Variants in FLNB observed in about 807,000 individuals in gnomAD.
FLNB encodes the protein filamin-B.
Under a neutral mutation model 250.6 loss-of-function variants are expected in FLNB, and 111 were observed. The ratio of observed to expected loss-of-function variants is 0.44; its 90% CI spans 0.38 to 0.52. FLNB has a LOEUF of 0.52. FLNB is among the 20% of genes least tolerant of loss of function. The pLI, the probability that FLNB is intolerant of heterozygous loss-of-function variation, is 0.00. For missense variants in FLNB, 2,869 were observed against 3,447.8 expected, an observed-to-expected ratio of 0.83 and a Z score of 4.20; for synonymous variants, 1,302 against 1,372.1, an observed-to-expected ratio of 0.95 and a Z score of 1.13.
chr3:58,009,982 T>G (rs1014491772), intron 1 of FLNB, among the ~76,000 whole-genome samples: 2 of 152,124 alleles, frequency 1.3e-5, no homozygotes, highest in Non-Finnish European at 2.9e-5. Flanking sequence ...ATGTGGGCGT[T>G]TGTGCAGAGA....
Position 58,148,771 on chromosome 3 carries a change from C to T in FLNB, c.6010C>T (p.Arg2004Ter), listed in dbSNP as rs121908897. Residue 2004 changes from arginine to a stop codon, truncating the protein, a stop_gained, in exon 36 of 46, where the codon CGA becomes TGA. Transcript: ENST00000295956. LOFTEE classifies it high-confidence loss of function. ...CCAGTCGGAGATTGGTGACGCCCGC[C>T]GAGCCAAAGTCTATGGCCGCGGCCT... ...VVQSEIGDARRAKVYGRGLSE... is the reference protein window; with the variant it reads ...VVQSEIGDAR 4.3e-6 allele frequency: 7 copies of T among 1,614,104 alleles called. No homozygotes were observed. Among genetic ancestry groups the T allele is most frequent in the East Asian group, 4.5e-5 (2 of 44,866 alleles).
At chr3:58,116,489 C>T (rs1201656398) in intron 18 of FLNB, among the ~76,000 whole-genome samples, 1 of 152,200 alleles carries the variant, frequency 6.6e-6, no homozygotes, top group Non-Finnish European at 1.5e-5. Context: ...TGCTCCCTGA[C>T]ACCTGCAGGC....
At chr3:58,034,726 G>T (rs1214400155) in intron 1 of FLNB, among the ~76,000 whole-genome samples, 1 of 152,204 alleles carries the variant, frequency 6.6e-6, no homozygotes, top group Non-Finnish European at 1.5e-5. Flanking sequence ...GAAAAGTCAA[G>T]GGGTAGGCAG....
In FLNB at chr3:58,041,163, C is replaced by G. The variant is rs541489532; in HGVS notation, c.292+32307C>G. Among the ~76,000 whole-genome samples, 6 of 152,292 alleles carry G rather than the reference C, an allele frequency of 3.9e-5. No individual in the cohort carries two copies. In the South Asian group the frequency reaches 1.2e-3, roughly 32 times the overall value. On this transcript the variant is annotated intron_variant, in intron 1 of 45. Coordinates refer to ENST00000295956, the MANE Select transcript of FLNB (RefSeq NM_001457.4). ...GGAGCAGCAGCAGATCTGGGGAACT[C>G]CACAAACCAGATTTCTGTGTGGTAT...
Position 58,111,831 on chromosome 3 carries a change from C to G in FLNB, c.2525C>G (p.Ser842Cys), listed in dbSNP as rs2097269230. ...ASPFRVKVDPSHDASKVKAEG... is the reference protein window; with the variant it reads ...ASPFRVKVDPCHDASKVKAEG... The stretch of plus-strand genomic sequence containing the variant: ...CCTTTCAGAGTCAAAGTTGACCCTT[C>G]CCACGATGCCAGCAAAGTGAAGGCA... The change falls in exon 17 of 46, where the codon TCC becomes TGC. Residue 842 changes from serine to cysteine, a missense_variant. Physicochemically the swap from Ser to Cys is moderately radical, Grantham distance 112. Transcript: ENST00000295956. The G allele has an allele frequency of 6.2e-7, 1 of 1,614,040 alleles. No individual in the cohort carries two copies. Among genetic ancestry groups the G allele is most frequent in the Admixed American group, 1.7e-5 (1 of 60,004 alleles).
At chr3:58,112,070 G>T in intron 17 of FLNB, 79 bp from the exon 18 acceptor site, 2 of 1,418,566 alleles carry the variant, frequency 1.4e-6, no homozygotes. Flanking sequence ...ACCTGGTGCT[G>T]TTGAACCTGT....
At chr3:58,063,470 G>A (rs758531855) in intron 1 of FLNB, among the ~76,000 whole-genome samples, 2 of 152,192 alleles carry the variant, frequency 1.3e-5, no homozygotes, top group African/African-American at 4.8e-5. Context: ...TGAGCCGTCA[G>A]CTGAGCTAAA....
In FLNB at chr3:58,153,545, C is replaced by T; in HGVS notation, c.6538C>T (p.Pro2180Ser). The change falls in exon 39 of 46, where the codon CCC becomes TCC. Residue 2180 changes from proline (P) to serine (S), a missense_variant. By Grantham distance (74) the Pro-to-Ser change is moderately conservative (BLOSUM62 -1). Around this residue, in one of 5 missense-constraint regions of FLNB, gnomAD observed 1,084 missense variants for 1,315.5 expected, o/e 0.82. Coordinates refer to ENST00000295956, the MANE Select transcript of FLNB (RefSeq NM_001457.4). ...CCGTGGGCAGCACGTCACCGGCAGC[C>T]CCTTCCAGTTCACCGTGGGGCCACT... is the stretch of plus-strand genomic sequence containing the variant. ...KYRGQHVTGS[P>S]FQFTVGPLGE... 1 of 1,614,152 alleles carries T rather than the reference C, an allele frequency of 6.2e-7. No homozygotes were observed. The highest frequency in any genetic ancestry group is 8.5e-7 in the Non-Finnish European group (1 of 1,180,050).
intron 4 of FLNB, among the ~76,000 whole-genome samples, chr3:58,086,159 CT>C (rs10706045): frequency 0.47 from 66,375 of 141,340 alleles, 17,412 homozygotes; most frequent in East Asian, 0.97. Context: ...CCATGTCCAG[CT>C]TTTTTTTTTT....
intron 29 of FLNB, among the ~76,000 whole-genome samples, chr3:58,140,641 C>T (rs1266056600): frequency 6.6e-6 from 1 of 152,086 alleles, no homozygotes; most frequent in African/African-American, 2.4e-5. Flanking sequence ...CAGAATCTCA[C>T]TCTGTCACCC....
chr3:58,043,265 G>A (rs2097148864), intron 1 of FLNB, among the ~76,000 whole-genome samples: 1 of 149,642 alleles, frequency 6.7e-6, no homozygotes, highest in South Asian at 2.1e-4. Flanking sequence ...CTCCCAAGTA[G>A]TTGGGACTAC....
intron 1 of FLNB, among the ~76,000 whole-genome samples, chr3:58,019,068 T>C (rs767961041): frequency 3.3e-5 from 5 of 152,104 alleles, no homozygotes; most frequent in Admixed American, 1.3e-4. Context: ...GCCCAGGAGT[T>C]TGAGTCTGCA....
Position 58,154,535 on chromosome 3 carries a change from A to G in FLNB, c.6635-256A>G, listed in dbSNP as rs1010618312. 14 of 413,056 alleles carry G rather than the reference A, an allele frequency of 3.4e-5. No individual in the cohort carries two copies. In the Admixed American group the frequency reaches 4.6e-4, roughly 14 times the overall value. The allele number at this position is 413,056 out of a possible 1,614,324, so 25.6% of individuals were successfully genotyped here. On this transcript the variant is annotated intron_variant, in intron 39 of 45. Transcript: ENST00000295956. ...ACTCCAGCCTGGGCAGCAGAGCAAG[A>G]CTCCGTCTCAAAAAAAAAAAAAAAA...
intron 1 of FLNB, among the ~76,000 whole-genome samples, chr3:58,025,654 A>T (rs981170998): frequency 2.0e-5 from 3 of 152,150 alleles, no homozygotes; most frequent in African/African-American, 7.2e-5. Flanking sequence ...TCTGTCTTAC[A>T]GGGGCCAGAC....
At position 58,146,028 on chromosome 3, in the gene FLNB, G is replaced by A. The variant is rs575434109; in HGVS notation, c.5533G>A (p.Val1845Ile). Residue 1845 changes from valine to isoleucine, a missense_variant, in exon 33 of 46, where the codon GTC (valine) becomes ATC (isoleucine). Physicochemically the swap from Val to Ile is conservative, Grantham distance 29. This residue lies in a region of FLNB where 1,084 missense variants were observed against 1,315.5 expected (regional missense o/e 0.82). Coordinates refer to ENST00000295956, the MANE Select transcript of FLNB (RefSeq NM_001457.4). ...CAACAAAACTGCCACCTTCACCATC[G>A]TCACAGAGGATGCAGGAGAAGGTAC... ...VANKTATFTI[V>I]TEDAGEGGLD... is the part of the protein sequence containing the mutation. 22 of 1,614,170 alleles carry A rather than the reference G, an allele frequency of 1.4e-5. No individual in the cohort carries two copies. Among genetic ancestry groups the A allele is most frequent in the East Asian group, 1.1e-4 (5 of 44,882 alleles).
At position 58,078,700 on chromosome 3, in the gene FLNB, T is replaced by C. The variant is rs2106951714; in HGVS notation, c.542-17T>C. ...GGTCAGCTAATGCTAAAAGAATCTT[T>C]TGTGTTCTGTTAACAGGTCTGTGCC... is the stretch of plus-strand genomic sequence containing the variant. On this transcript the variant is annotated splice_polypyrimidine_tract_variant and intron_variant, in intron 2 of 45. Transcript: ENST00000295956. 1 of 1,606,562 alleles carries C rather than the reference T, an allele frequency of 6.2e-7. No individual in the cohort carries two copies. The highest frequency in any genetic ancestry group is 1.1e-5 in the South Asian group (1 of 90,290).
chr3:58,040,029 C>T (rs1157824150), intron 1 of FLNB, among the ~76,000 whole-genome samples: 1 of 152,126 alleles, frequency 6.6e-6, no homozygotes, highest in Non-Finnish European at 1.5e-5. Context: ...CCTCTAATTG[C>T]AGCTACTTGG....
chr3:58,076,404 T>TG (rs754831588), intron 1 of FLNB, among the ~76,000 whole-genome samples: 9 of 152,144 alleles, frequency 5.9e-5, no homozygotes, highest in Non-Finnish European at 1.3e-4. Flanking sequence ...GTTTAGCAGG[T>TG]TGTTACCTCT....
chr3:58,155,823 G>T, intron 40 of FLNB, 137 bp from the exon 41 acceptor site: 1 of 681,196 alleles, frequency 1.5e-6, no homozygotes, highest in South Asian at 1.5e-5. Context: ...TCAGCCAGGC[G>T]ACTCCCACTC....
Sources: gnomAD v4.1 joint callset for allele counts (sites outside exome capture counted in the v4.1 genomes callset) on GRCh38, gnomAD v4.1.1 for gene constraint, gnomAD v4.1.1 regional missense constraint, MANE v1.5 for transcripts, NCBI Gene and HGNC (gene_info 2026-07-23, HGNC 2026-07-21) for gene names.